FGGY: variants seen among roughly 807,000 people sequenced by gnomAD.
FGGY encodes the protein FGGY carbohydrate kinase domain containing, also known as FGGY carbohydrate kinase domain-containing protein.
In FGGY, 72 loss-of-function variants were observed where a neutral mutation model predicts 71.3. The ratio of observed to expected loss-of-function variants is 1.01; its 90% CI spans 0.84 to 1.23. The LOEUF is 1.23. Ranked by LOEUF, FGGY falls within the 50% of genes most tolerant of loss-of-function variation. FGGY has a pLI of 0.00. For missense variants in FGGY, 668 were observed against 682.3 expected (o/e 0.98, Z 0.23); for synonymous variants, 251 against 250.3 (o/e 1.00, Z -0.02).
intron 6 of FGGY, among the ~76,000 whole-genome samples, chr1:59,463,394 C>G (rs2092391767): frequency 1.3e-5 from 2 of 152,280 alleles, no homozygotes; most frequent in South Asian, 4.1e-4. Flanking sequence ...CCAGTACCAG[C>G]CACTGCAAAA....
At chr1:59,382,106 G>A (rs931906993) in intron 5 of FGGY, among the ~76,000 whole-genome samples, 3 of 152,160 alleles carry the variant, frequency 2.0e-5, no homozygotes, top group African/African-American at 7.2e-5. Context: ...TCATTTCCCA[G>A]AGGATAGATA....
chr1:59,572,780 C>T (rs932644838), intron 8 of FGGY, among the ~76,000 whole-genome samples: 1 of 152,102 alleles, frequency 6.6e-6, no homozygotes, highest in African/African-American at 2.4e-5. Context: ...GGTATCTCAC[C>T]CAAACTCCTA....
At chr1:59,489,795 T>C (rs1018579785) in intron 6 of FGGY, among the ~76,000 whole-genome samples, 3 of 152,172 alleles carry the variant, frequency 2.0e-5, no homozygotes, top group African/African-American at 7.2e-5. Context: ...ACCTCCATAC[T>C]GTTCCCCATA....
intron 14 of FGGY, chr1:59,697,637 C>G (rs1372477491): frequency 7.7e-7 from 1 of 1,301,290 alleles, no homozygotes; most frequent in Non-Finnish European, 1.0e-6. Flanking sequence ...ATTTTTGTGA[C>G]TTCTTTCCAG....
intron 5 of FGGY, among the ~76,000 whole-genome samples, chr1:59,444,359 A>G (rs1020496391): frequency 6.6e-6 from 1 of 152,216 alleles, no homozygotes; most frequent in Non-Finnish European, 1.5e-5. Context: ...CATAGTGATC[A>G]GATTAATTAG....
chr1:59,381,994 C>G (rs1193952589), intron 5 of FGGY, among the ~76,000 whole-genome samples: 1 of 152,058 alleles, frequency 6.6e-6, no homozygotes, highest in Non-Finnish European at 1.5e-5. Flanking sequence ...AGCCTCTTGT[C>G]ATGATGACCT....
chr1:59,647,582 G>A (rs903078516), intron 11 of FGGY, among the ~76,000 whole-genome samples: 8 of 151,962 alleles, frequency 5.3e-5, no homozygotes, highest in African/African-American at 1.7e-4. Context: ...GAAGGTTCTG[G>A]GAAAAATCTG....
At chr1:59,362,069 A>G (rs1249479250) in intron 4 of FGGY, among the ~76,000 whole-genome samples, 4 of 152,042 alleles carry the variant, frequency 2.6e-5, no homozygotes, top group South Asian at 2.1e-4. Context: ...TGCTGGGGAC[A>G]TTGTCATGGT....
intron 4 of FGGY, among the ~76,000 whole-genome samples, chr1:59,352,208 A>G (rs2053451726): frequency 1.3e-5 from 2 of 152,176 alleles, no homozygotes; most frequent in Admixed American, 6.5e-5. Flanking sequence ...CTTTATAAAC[A>G]TGAAACATTG....
chr1:59,757,221 A>T (rs930229733), intron 14 of FGGY, among the ~76,000 whole-genome samples: 1 of 152,264 alleles, frequency 6.6e-6, no homozygotes, highest in East Asian at 1.9e-4. Flanking sequence ...GAGACTGCTT[A>T]AAAAAACCTA....
intron 14 of FGGY, among the ~76,000 whole-genome samples, chr1:59,716,968 G>C (rs1431688595): frequency 6.6e-6 from 1 of 152,192 alleles, no homozygotes; most frequent in Non-Finnish European, 1.5e-5. Flanking sequence ...TTGAAGGCCA[G>C]AGAGAGGTAC....
intron 5 of FGGY, among the ~76,000 whole-genome samples, chr1:59,412,301 T>C (rs2063722359): frequency 6.6e-6 from 1 of 152,088 alleles, no homozygotes; most frequent in South Asian, 2.1e-4. Context: ...GATAGAGAAT[T>C]AATGCCTCCT....
chr1:59,429,147 A>G (rs2066892105), intron 5 of FGGY, among the ~76,000 whole-genome samples: 1 of 152,206 alleles, frequency 6.6e-6, no homozygotes, highest in African/African-American at 2.4e-5. Flanking sequence ...ACTGAATGTA[A>G]AAGATTAAAG....
intron 14 of FGGY, among the ~76,000 whole-genome samples, chr1:59,711,668 T>G (rs2097795343): frequency 6.6e-6 from 1 of 152,142 alleles, no homozygotes. Context: ...GCAAGTCACA[T>G]CTTACATGAA....
At chr1:59,375,250 C>T (rs1298541391) in intron 4 of FGGY, among the ~76,000 whole-genome samples, 3 of 135,326 alleles carry the variant, frequency 2.2e-5, no homozygotes, top group African/African-American at 8.4e-5. Flanking sequence ...TAGAGTGAGA[C>T]TCCATCTCAA....
At chr1:59,651,587 T>A (rs1454297136) in intron 11 of FGGY, among the ~76,000 whole-genome samples, 1 of 149,458 alleles carries the variant, frequency 6.7e-6, no homozygotes, top group East Asian at 1.9e-4. Context: ...CTGCCTTTTT[T>A]TGTTTTCCAT....
intron 6 of FGGY, among the ~76,000 whole-genome samples, chr1:59,466,421 A>T (rs1420469657): frequency 2.0e-5 from 3 of 152,076 alleles, no homozygotes; most frequent in Non-Finnish European, 2.9e-5. Flanking sequence ...AACCTAGGCA[A>T]TACCATTCAG....
intron 4 of FGGY, among the ~76,000 whole-genome samples, chr1:59,375,215 G>A (rs1419637422): frequency 5.0e-5 from 7 of 139,768 alleles, no homozygotes; most frequent in Non-Finnish European, 9.0e-5. Flanking sequence ...AGCTGAGATC[G>A]CACCACTACA....
intron 5 of FGGY, among the ~76,000 whole-genome samples, chr1:59,401,377 G>C (rs1023841389): frequency 6.6e-6 from 1 of 152,114 alleles, no homozygotes. Flanking sequence ...TTGTATTACT[G>C]ACATTGTAAC....
Sources: allele counts gnomAD v4.1 joint callset (sites outside exome capture counted in the v4.1 genomes callset), GRCh38; gene constraint gnomAD v4.1.1; transcripts MANE v1.5; gene names NCBI Gene and HGNC (gene_info 2026-07-23, HGNC 2026-07-21).